PNMT: variants seen among roughly 807,000 people sequenced by gnomAD.
PNMT encodes phenylethanolamine N-methyltransferase.
PNMT carries 18 observed loss-of-function variants against 18.9 expected under a neutral mutation model. The observed-to-expected ratio is 0.95, with a 90% CI of 0.66 to 1.41. The LOEUF is 1.41. PNMT is among the 40% of genes most tolerant of loss of function. The probability of loss-of-function intolerance (pLI) is 0.00; values close to 1 mark genes in which losing one functional copy is unlikely to be tolerated. For synonymous variants in PNMT, 167 were observed against 168.6 expected (o/e 0.99, Z 0.08); for missense variants, 378 against 387.0 (o/e 0.98, Z 0.20).
intron 2 of PNMT, 40 bp from the exon 3 acceptor site, chr17:39,669,911 G>A (rs377675734): frequency 3.0e-5 from 47 of 1,591,822 alleles, no homozygotes; most frequent in African/African-American, 8.0e-5. Flanking sequence ...AGGCCTGAGC[G>A]TAGAACAGCC....
At chr17:39,669,904 C>T (rs1214956942) in intron 2 of PNMT, 47 bp from the exon 3 acceptor site, 1 of 1,590,622 alleles carries the variant, frequency 6.3e-7, no homozygotes, top group Non-Finnish European at 8.6e-7. Context: ...GCAACAGAGG[C>T]CTGAGCGTAG....
upstream of PNMT, chr17:39,668,221 C>T: frequency 5.1e-6 from 2 of 389,692 alleles, no homozygotes; most frequent in Non-Finnish European, 9.0e-6. Context: ...AGGGCGAGGG[C>T]TGCGGGAGCA....
rs1317968654 is a variant in PNMT, at chr17:39,670,358, T to C, written c.818T>C (p.Phe273Ser). 1 of 1,594,128 alleles carries C rather than the reference T, an allele frequency of 6.3e-7. No homozygotes were observed. The change falls in exon 3 of 3, where the codon TTC becomes TCC. Residue 273 changes from phenylalanine (F) to serine (S), a missense_variant. Phe to Ser is a radical substitution (Grantham distance 155, BLOSUM62 -2). Coordinates refer to ENST00000269582, the MANE Select transcript of PNMT (RefSeq NM_002686.4). The part of the protein sequence containing the change: ...QTGVDDVKGV[F>S]FAWAQKVGL The stretch of plus-strand genomic sequence containing the variant: ...GGCGTAGATGATGTCAAGGGCGTCT[T>C]CTTCGCCTGGGCTCAGAAGGTTGGG...
In PNMT at chr17:39,670,066, G is replaced by C; in HGVS notation, c.526G>C (p.Asp176His). Residue 176 changes from aspartate (D) to histidine (H), a missense_variant, in exon 3 of 3, where the codon GAC (aspartate) becomes CAC (histidine). Coordinates refer to ENST00000269582, the MANE Select transcript of PNMT (RefSeq NM_002686.4). ...TGGGAGCCCAGCTCCCCTGCCTGCT[G>C]ACGCCCTGGTCTCTGCCTTCTGCTT... ...GAGSPAPLPA[D>H]ALVSAFCLEA... The C allele has an allele frequency of 6.2e-7, 1 of 1,608,094 alleles. No individual in the cohort carries two copies. The highest frequency in any genetic ancestry group is 1.3e-5 in the African/African-American group (1 of 75,038).
At chr17:39,668,098 A>C, upstream of PNMT, 1 of 182,464 alleles carries the variant, frequency 5.5e-6, no homozygotes, top group South Asian at 2.2e-4. Flanking sequence ...GCTGGAGAAG[A>C]GAGATGGGAG....
upstream of PNMT, chr17:39,668,296 TG>T: frequency 4.2e-6 from 2 of 473,340 alleles, no homozygotes; most frequent in Non-Finnish European, 3.6e-6. Flanking sequence ...ACCTCCGGTG[TG>T]TCTGCAGCCC....
rs747980015 is a variant in PNMT at position 39,668,584 on chromosome 17, C to T, written c.109C>T (p.Arg37Cys). 8 of 1,599,734 alleles carry T rather than the reference C, an allele frequency of 5.0e-6. No individual in the cohort carries two copies. The highest frequency in any genetic ancestry group is 3.3e-4 in the Middle Eastern group (2 of 6,022). ...YQRFEPRAYL[R>C]NNYAPPRGDL... ...GCGCTTCGAGCCGCGCGCCTACCTC[C>T]GCAACAACTACGCGCCCCCTCGCGG... is the stretch of plus-strand genomic sequence containing the variant. Residue 37 changes from arginine to cysteine, a missense_variant, in exon 1 of 3, where the codon CGC becomes TGC. Arg to Cys is a radical substitution (Grantham distance 180). Coordinates refer to ENST00000269582, the MANE Select transcript of PNMT (RefSeq NM_002686.4).
At chr17:39,668,050 G>C (rs1236812427), upstream of PNMT, 1 of 171,230 alleles carries the variant, frequency 5.8e-6, no homozygotes, top group Non-Finnish European at 1.2e-5. Context: ...AAGAGAAGGG[G>C]CGGGCTGCTG....
At position 39,670,017 on chromosome 17, in the gene PNMT, G is replaced by A; in HGVS notation, c.477G>A (p.Val159=). ...ARVKRVLPID[V]HQPQPLGAGS... Reference sequence around the variant, plus strand: ...TGAAACGGGTCCTGCCCATCGACGTGCACCAGCCCCAGCCCCTGGGTGCTG... The same window carrying A: ...TGAAACGGGTCCTGCCCATCGACGTACACCAGCCCCAGCCCCTGGGTGCTG... Residue 159 remains valine, a synonymous_variant, in exon 3 of 3, where the codon GTG becomes GTA. Transcript: ENST00000269582. The A allele has an allele frequency of 6.2e-7, 1 of 1,605,054 alleles. No homozygotes were observed.
At chr17:39,668,122 G>T (rs1185059716), upstream of PNMT, 23 of 255,402 alleles carry the variant, frequency 9.0e-5, no homozygotes, top group East Asian at 1.6e-3. Context: ...CCGGCCGGCG[G>T]GGGTGAGGGG....
upstream of PNMT, chr17:39,668,384 C>T (rs951472195): frequency 2.7e-6 from 3 of 1,112,350 alleles, no homozygotes; most frequent in Non-Finnish European, 2.4e-6. Context: ...GGTCAGCTGC[C>T]GCCCCCACAG....
At chr17:39,668,136 T>C, upstream of PNMT, 1 of 230,050 alleles carries the variant, frequency 4.3e-6, no homozygotes, top group South Asian at 1.9e-4. Context: ...TGAGGGGGTC[T>C]AAAGATTGTG....
rs2057284799 is a variant in PNMT at position 39,669,967 on chromosome 17, A to G, written c.427A>G (p.Lys143Glu). 21 of 1,601,072 alleles carry G rather than the reference A, an allele frequency of 1.3e-5. No homozygotes were observed. The highest frequency in any genetic ancestry group is 1.8e-5 in the Non-Finnish European group (21 of 1,175,462). Reference protein sequence around the residue: ...IEGKGECWQDKERQLRARVKR... With the variant: ...IEGKGECWQDEERQLRARVKR... ...CCTGCACAGGGAATGCTGGCAGGAT[A>G]AGGAGCGCCAGCTGCGAGCCAGGGT... Residue 143 changes from lysine to glutamate, a missense_variant, in exon 3 of 3, where the codon AAG becomes GAG. Coordinates refer to ENST00000269582, the MANE Select transcript of PNMT (RefSeq NM_002686.4).
rs746013633 is a variant in PNMT, at chr17:39,670,338, AGAT to A, written c.803_805del (p.Asp268del). Reference sequence around the variant, plus strand: ...TGCCTGCCCACCTTCAGACAGGCGTAGATGATGTCAAGGGCGTCTTCTTCGCCT... The same window carrying A: ...TGCCTGCCCACCTTCAGACAGGCGTAGATGTCAAGGGCGTCTTCTTCGCCT... On this transcript the variant is annotated inframe_deletion, in exon 3 of 3. Transcript: ENST00000269582. 1.9e-6 allele frequency: 3 copies of A among 1,606,822 alleles called. No homozygotes were observed. Among genetic ancestry groups the A allele is most frequent in the Non-Finnish European group, 1.7e-6 (2 of 1,176,380 alleles).
At position 39,668,683 on chromosome 17, in the gene PNMT, C is replaced by CG; in HGVS notation, c.202+11dup. ...GGCGCAGACCTTCGCCACCGGTGAG[C>CG]GGGGGAAACTGAGGCACGAGGGACA... On this transcript the variant is annotated splice_region_variant and intron_variant, in intron 1 of 2. Transcript: ENST00000269582. 2 of 1,563,718 alleles carry CG rather than the reference C, an allele frequency of 1.3e-6. No homozygotes were observed. Among genetic ancestry groups the CG allele is most frequent in the African/African-American group, 1.4e-5 (1 of 72,156 alleles).
At position 39,670,133 on chromosome 17, in the gene PNMT, T is replaced by G. The variant is rs2057286687; in HGVS notation, c.593T>G (p.Leu198Arg). ...GATCTTGCCAGCTTTCAGCGGGCCC[T>G]GGACCACATCACCACGCTGCTGAGG... ...SPDLASFQRA[L>R]DHITTLLRPG... The change falls in exon 3 of 3, where the codon CTG becomes CGG. Residue 198 changes from leucine (L) to arginine (R), a missense_variant. Physicochemically the swap from Leu to Arg is moderately radical, Grantham distance 102 (BLOSUM62 -2). Transcript: ENST00000269582. 6.2e-7 allele frequency: 1 copy of G among 1,611,634 alleles called. No homozygotes were observed. The highest frequency in any genetic ancestry group is 1.3e-5 in the African/African-American group (1 of 74,908).
rs745979546 is a variant in PNMT at position 39,668,649 on chromosome 17, G to A, written c.174G>A (p.Leu58=). Reference sequence around the variant, plus strand: ...CGAACGGCGTCGGGCCGTGGAAGCTGCGCTGCTTGGCGCAGACCTTCGCCA... The same window carrying A: ...CGAACGGCGTCGGGCCGTGGAAGCTACGCTGCTTGGCGCAGACCTTCGCCA... ...CNPNGVGPWK[L]RCLAQTFATG... Residue 58 remains leucine, a synonymous_variant, in exon 1 of 3, where the codon CTG becomes CTA. Transcript: ENST00000269582. 2.5e-6 allele frequency: 4 copies of A among 1,592,318 alleles called. No individual in the cohort carries two copies. Among genetic ancestry groups the A allele is most frequent in the African/African-American group, 1.4e-5 (1 of 73,474 alleles).
chr17:39,669,789 CA>C lies in PNMT; in HGVS notation c.365del (p.Asn122ThrfsTer30). On this transcript the variant is annotated frameshift_variant, in exon 2 of 3. Coordinates refer to ENST00000269582, the MANE Select transcript of PNMT (RefSeq NM_002686.4). LOFTEE classifies it high-confidence loss of function. The part of the protein sequence containing the change: ...RWLQEEPGAF[N>X]WSMYSQHACL... ...GGCTGCAGGAGGAGCCGGGGGCCTT[CA>C]ACTGGAGCATGTACAGCCAACATGC... The C allele has an allele frequency of 6.2e-7, 1 of 1,614,038 alleles. No individual in the cohort carries two copies. The highest frequency in any genetic ancestry group is 8.5e-7 in the Non-Finnish European group (1 of 1,179,956).
At chr17:39,668,824 A>T in intron 1 of PNMT, 147 bp downstream of exon 1, 1 of 641,966 alleles carries the variant, frequency 1.6e-6, no homozygotes, top group South Asian at 2.1e-5. Context: ...AGGTGCAAAC[A>T]GAAGAGAAAA....
Sources: gnomAD v4.1 joint callset for allele counts on GRCh38, gnomAD v4.1.1 for gene constraint, MANE v1.5 for transcripts, NCBI Gene and HGNC (gene_info 2026-07-23, HGNC 2026-07-21) for gene names.